Variants in AKAIN1 observed in about 807,000 individuals in gnomAD.
AKAIN1 encodes the protein A-kinase anchor protein inhibitor 1.
A neutral mutation model predicts 3.7 loss-of-function variants in AKAIN1; 3 were observed. That is an observed-to-expected ratio of 0.82 (90% CI 0.37 to 2.12). The LOEUF (loss-of-function observed/expected upper bound fraction) is 2.12, where lower values mean the gene tolerates loss of function less well. Among genes scored for constraint, AKAIN1 ranks in the 30% most tolerant of loss-of-function variants. The pLI is 0.06. For synonymous variants in AKAIN1, 31 were observed against 30.8 expected (o/e 1.01, Z -0.02); for missense variants, 82 against 82.7 (o/e 0.99, Z 0.03).
intron 1 of AKAIN1, among the ~76,000 whole-genome samples, chr18:5,149,088 G>A (rs1447637838): frequency 6.6e-6 from 1 of 152,110 alleles, no homozygotes; most frequent in Admixed American, 6.5e-5. Context: ...ATTTCAAAAG[G>A]TTTAGGCTTG....
chr18:5,191,770 G>A (rs533172177), intron 1 of AKAIN1, among the ~76,000 whole-genome samples: 2 of 152,054 alleles, frequency 1.3e-5, no homozygotes, highest in African/African-American at 4.8e-5. Flanking sequence ...AAATGCTAAG[G>A]GCAAGAAGCA....
intron 1 of AKAIN1, among the ~76,000 whole-genome samples, chr18:5,160,461 A>C (rs2071132878): frequency 6.6e-6 from 1 of 151,940 alleles, no homozygotes; most frequent in South Asian, 2.1e-4. Flanking sequence ...TTTTTTATAT[A>C]TATTCCTTGT....
At chr18:5,186,581 C>T (rs954365625) in intron 1 of AKAIN1, among the ~76,000 whole-genome samples, 4 of 151,954 alleles carry the variant, frequency 2.6e-5, no homozygotes, top group African/African-American at 7.3e-5. Context: ...TGGAAAAATC[C>T]TCAATTTTTT....
chr18:5,173,929 T>G (rs1408135314), intron 1 of AKAIN1, among the ~76,000 whole-genome samples: 1 of 151,988 alleles, frequency 6.6e-6, no homozygotes, highest in African/African-American at 2.4e-5. Flanking sequence ...CAGGCTGGGA[T>G]CTTTGCTCAC....
intron 1 of AKAIN1, among the ~76,000 whole-genome samples, chr18:5,193,178 G>A (rs894740411): frequency 3.3e-5 from 5 of 152,214 alleles, no homozygotes; most frequent in East Asian, 1.9e-4. Context: ...ATATTGGTGC[G>A]AAATATTTTT....
chr18:5,183,166 T>G (rs2071268318), intron 1 of AKAIN1, among the ~76,000 whole-genome samples: 1 of 152,036 alleles, frequency 6.6e-6, no homozygotes, highest in African/African-American at 2.4e-5. Context: ...CACCTTTTGC[T>G]CTATGTCTTT....
Position 5,178,017 on chromosome 18 carries a change from C to T in AKAIN1, c.16+19021G>A, listed in dbSNP as rs62082387. ...TTTATCCATCTAAGAGTCACGCCTG[C>T]AAGCAAACAGCCAGGCAAGAAAGAC... On this transcript the variant is annotated intron_variant, in intron 1 of 1. Coordinates refer to ENST00000434239, the MANE Select transcript of AKAIN1 (RefSeq NM_001145194.2). Among the ~76,000 whole-genome samples the T allele has an allele frequency of 1.0e-2, 1,516 of 152,184 alleles. 10 individuals carry two copies. Among genetic ancestry groups the T allele is most frequent in the Non-Finnish European group, 0.017 (1,177 of 67,994 alleles).
chr18:5,182,922 A>C (rs1424610681), intron 1 of AKAIN1, among the ~76,000 whole-genome samples: 1 of 152,058 alleles, frequency 6.6e-6, no homozygotes, highest in East Asian at 1.9e-4. Flanking sequence ...AACTCTGAAG[A>C]AAAGGTGCTG....
chr18:5,186,773 A>T (rs1169845810), intron 1 of AKAIN1, among the ~76,000 whole-genome samples: 4 of 152,184 alleles, frequency 2.6e-5, no homozygotes, highest in African/African-American at 9.6e-5. Context: ...ATTCACCAAG[A>T]TAGACCACAT....
intron 1 of AKAIN1, among the ~76,000 whole-genome samples, chr18:5,190,527 T>C (rs1244080513): frequency 6.6e-6 from 1 of 152,116 alleles, no homozygotes; most frequent in Non-Finnish European, 1.5e-5. Flanking sequence ...GACGGAAACA[T>C]TTAAAAAAGA....
chr18:5,165,845 C>T (rs988449437), intron 1 of AKAIN1, among the ~76,000 whole-genome samples: 2 of 152,000 alleles, frequency 1.3e-5, no homozygotes, highest in Admixed American at 6.6e-5. Flanking sequence ...CCACTGATTG[C>T]AGTGAAAAGG....
chr18:5,184,224 T>C (rs1346383070), intron 1 of AKAIN1, among the ~76,000 whole-genome samples: 1 of 152,020 alleles, frequency 6.6e-6, no homozygotes, highest in African/African-American at 2.4e-5. Flanking sequence ...AAATAAATTT[T>C]AGGGAGTAGG....
intron 1 of AKAIN1, among the ~76,000 whole-genome samples, chr18:5,150,956 G>A (rs1431420510): frequency 6.6e-6 from 1 of 152,176 alleles, no homozygotes. Flanking sequence ...GAAAAGGTCA[G>A]TGTTCCATTT....
At chr18:5,193,627 G>A (rs1329815187) in intron 1 of AKAIN1, among the ~76,000 whole-genome samples, 1 of 152,128 alleles carries the variant, frequency 6.6e-6, no homozygotes, top group African/African-American at 2.4e-5. Context: ...CCTGGAATTA[G>A]GCCAAGAAAT....
intron 1 of AKAIN1, among the ~76,000 whole-genome samples, chr18:5,150,607 C>A (rs1381207172): frequency 7.2e-5 from 11 of 152,170 alleles, no homozygotes. Context: ...CATCCCCAGG[C>A]ATCCACATGG....
intron 1 of AKAIN1, among the ~76,000 whole-genome samples, chr18:5,185,568 T>C (rs994118790): frequency 6.7e-6 from 1 of 149,372 alleles, no homozygotes; most frequent in Admixed American, 6.6e-5. Context: ...GAAGAAGACA[T>C]ACATGTAGCC....
chr18:5,172,354 C>G (rs1388327157), intron 1 of AKAIN1, among the ~76,000 whole-genome samples: 1 of 152,022 alleles, frequency 6.6e-6, no homozygotes, highest in Non-Finnish European at 1.5e-5. Flanking sequence ...ATGGATATCA[C>G]ATTTACCATG....
chr18:5,171,217 T>TA (rs1213814839), intron 1 of AKAIN1, among the ~76,000 whole-genome samples: 1 of 152,194 alleles, frequency 6.6e-6, no homozygotes, highest in South Asian at 2.1e-4. Flanking sequence ...GCTGAACTCT[T>TA]AAACAATATG....
intron 1 of AKAIN1, among the ~76,000 whole-genome samples, chr18:5,195,692 T>C (rs921114274): frequency 1.3e-5 from 2 of 152,216 alleles, no homozygotes; most frequent in African/African-American, 2.4e-5. Flanking sequence ...TCAAATGAGA[T>C]AGCAGCATGA....
Sources: gnomAD v4.1 joint callset for allele counts (sites outside exome capture counted in the v4.1 genomes callset) on GRCh38, gnomAD v4.1.1 for gene constraint, MANE v1.5 for transcripts, NCBI Gene and HGNC (gene_info 2026-07-23, HGNC 2026-07-21) for gene names.